FBXL17: variants seen among roughly 807,000 people sequenced by gnomAD.
FBXL17 encodes the protein F-box/LRR-repeat protein 17.
A neutral mutation model predicts 66.2 loss-of-function variants in FBXL17; 22 were observed. The ratio of observed to expected loss-of-function variants is 0.33; its 90% CI spans 0.24 to 0.47. The LOEUF (loss-of-function observed/expected upper bound fraction) is 0.47, where lower values mean the gene tolerates loss of function less well. Ranked by LOEUF, FBXL17 falls within the 20% of genes least tolerant of loss-of-function variation. FBXL17 has a pLI of 1.00. For synonymous variants in FBXL17, 474 were observed against 400.5 expected, an observed-to-expected ratio of 1.18 and a Z score of -2.19; for missense variants, 878 against 948.2, an observed-to-expected ratio of 0.93 and a Z score of 0.97.
At chr5:107,970,128 T>C (rs6893313) in intron 7 of FBXL17, among the ~76,000 whole-genome samples, 44,795 of 152,064 alleles carry the variant, frequency 0.29, 6,869 homozygotes, top group African/African-American at 0.36. Flanking sequence ...CTCCCCATTT[T>C]TTATGTAATG....
chr5:107,921,438 TTAG>T (rs1468922078), intron 7 of FBXL17, among the ~76,000 whole-genome samples: 1 of 152,152 alleles, frequency 6.6e-6, no homozygotes, highest in Non-Finnish European at 1.5e-5. Flanking sequence ...ATGAGCCGCT[TTAG>T]TAGATTTTCC....
intron 6 of FBXL17, among the ~76,000 whole-genome samples, chr5:108,173,454 GTAGT>G (rs1275531793): frequency 6.6e-6 from 1 of 152,130 alleles, no homozygotes; most frequent in Non-Finnish European, 1.5e-5. Context: ...ATTTTGTGAT[GTAGT>G]TAATTAGCTA....
At chr5:108,007,698 T>A (rs901299624) in intron 7 of FBXL17, among the ~76,000 whole-genome samples, 2 of 152,166 alleles carry the variant, frequency 1.3e-5, no homozygotes, top group Admixed American at 1.3e-4. Context: ...ATGAACAATA[T>A]TTAAAAAGTA....
chr5:108,132,843 A>G (rs1750988869), intron 6 of FBXL17, among the ~76,000 whole-genome samples: 1 of 152,016 alleles, frequency 6.6e-6, no homozygotes, highest in Non-Finnish European at 1.5e-5. Flanking sequence ...TCTCACCCAC[A>G]CTCCATATTT....
At chr5:108,025,361 A>G (rs1376123383) in intron 6 of FBXL17, among the ~76,000 whole-genome samples, 1 of 152,166 alleles carries the variant, frequency 6.6e-6, no homozygotes, top group African/African-American at 2.4e-5. Flanking sequence ...AGTCACTTTT[A>G]TATTTGAATA....
At chr5:108,357,654 T>C (rs1748087517) in intron 3 of FBXL17, among the ~76,000 whole-genome samples, 1 of 151,132 alleles carries the variant, frequency 6.6e-6, no homozygotes, top group East Asian at 1.9e-4. Context: ...GCAATAGAAA[T>C]AAAATAAAAA....
chr5:108,296,567 G>A (rs573412821), intron 4 of FBXL17, among the ~76,000 whole-genome samples: 1 of 151,836 alleles, frequency 6.6e-6, no homozygotes, highest in South Asian at 2.1e-4. Context: ...AATGTATGAG[G>A]GTTAAGACTT....
At chr5:107,976,137 G>A (rs550134594) in intron 7 of FBXL17, among the ~76,000 whole-genome samples, 4 of 152,230 alleles carry the variant, frequency 2.6e-5, no homozygotes, top group South Asian at 2.1e-4. Context: ...GATTACAGGC[G>A]TAAGCCATCA....
chr5:107,940,242 TATTCATTC>T (rs72049876), intron 7 of FBXL17, among the ~76,000 whole-genome samples: 145 of 151,074 alleles, frequency 9.6e-4, no homozygotes, highest in Admixed American at 4.3e-3. Context: ...GAATAAATTT[TATTCATTC>T]ATTCATTCAT....
At chr5:108,072,227 C>T (rs888861823) in intron 6 of FBXL17, among the ~76,000 whole-genome samples, 6 of 152,060 alleles carry the variant, frequency 3.9e-5, no homozygotes, top group Non-Finnish European at 8.8e-5. Context: ...CTATACCTAG[C>T]TAAAGTTTTA....
chr5:108,111,317 TATG>T, intron 6 of FBXL17, among the ~76,000 whole-genome samples: 1 of 152,316 alleles, frequency 6.6e-6, no homozygotes, highest in East Asian at 1.9e-4. Flanking sequence ...AATTGTTTGA[TATG>T]ATAATTGGAA....
intron 7 of FBXL17, among the ~76,000 whole-genome samples, chr5:107,995,350 T>C (rs995215531): frequency 2.6e-5 from 4 of 152,200 alleles, no homozygotes; most frequent in Admixed American, 6.5e-5. Context: ...TTTGAAAAAT[T>C]TGGAATAATC....
At chr5:108,311,100 T>C (rs1396461592) in intron 4 of FBXL17, among the ~76,000 whole-genome samples, 1 of 152,140 alleles carries the variant, frequency 6.6e-6, no homozygotes, top group Non-Finnish European at 1.5e-5. Flanking sequence ...AATCACTGCA[T>C]TCTACCTTCA....
chr5:108,366,639 G>C (rs967499428), intron 2 of FBXL17, among the ~76,000 whole-genome samples: 1 of 152,034 alleles, frequency 6.6e-6, no homozygotes, highest in African/African-American at 2.4e-5. Flanking sequence ...AAACATTCAA[G>C]AGTAATGATG....
At chr5:108,243,540 A>C (rs11747188) in intron 4 of FBXL17, among the ~76,000 whole-genome samples, 42,106 of 152,072 alleles carry the variant, frequency 0.28, 6,374 homozygotes, top group South Asian at 0.44. Flanking sequence ...GAGAGAAGTT[A>C]AAGTAATCTT....
At chr5:107,974,607 G>A (rs1195364492) in intron 7 of FBXL17, among the ~76,000 whole-genome samples, 3 of 152,006 alleles carry the variant, frequency 2.0e-5, no homozygotes, top group East Asian at 1.9e-4. Flanking sequence ...AACAGTGTTC[G>A]GTTAATCAAC....
intron 5 of FBXL17, among the ~76,000 whole-genome samples, chr5:108,210,735 G>A (rs371097963): frequency 9.9e-5 from 15 of 152,072 alleles, no homozygotes; most frequent in African/African-American, 2.9e-4. Flanking sequence ...TTCCAATTAC[G>A]TGGTCAATTT....
At chr5:108,042,987 G>A (rs1210038527) in intron 6 of FBXL17, among the ~76,000 whole-genome samples, 1 of 152,102 alleles carries the variant, frequency 6.6e-6, no homozygotes, top group Non-Finnish European at 1.5e-5. Flanking sequence ...GCTAAAGACA[G>A]TGAACATCTT....
chr5:107,888,531 T>G (rs950753661), intron 7 of FBXL17, among the ~76,000 whole-genome samples: 10 of 152,142 alleles, frequency 6.6e-5, no homozygotes, highest in Non-Finnish European at 1.5e-4. Context: ...ACTTCTATTC[T>G]CCCAACAAGG....
Sources: gnomAD v4.1 joint callset for allele counts (sites outside exome capture counted in the v4.1 genomes callset) on GRCh38, gnomAD v4.1.1 for gene constraint, MANE v1.5 for transcripts, NCBI Gene and HGNC (gene_info 2026-07-23, HGNC 2026-07-21) for gene names.